The following ARL10 variants were observed in gnomAD, a reference collection of about 807,000 sequenced individuals.
ARL10 encodes the protein ADP-ribosylation factor-like protein 10.
ARL10 carries 23 observed loss-of-function variants against 26.1 expected under a neutral mutation model. The observed-to-expected ratio is 0.88, with a 90% confidence interval of 0.63 to 1.25. ARL10 has a LOEUF of 1.25. ARL10 is among the 50% of genes most tolerant of loss of function. The probability of loss-of-function intolerance (pLI) is 0.00; values close to 1 mark genes in which losing one functional copy is unlikely to be tolerated. For synonymous variants in ARL10, 138 were observed against 149.1 expected (o/e 0.93, Z 0.54); for missense variants, 300 against 323.6 (o/e 0.93, Z 0.56).
At chr5:176,365,859 G>C (rs972089753) in intron 1 of ARL10, 113 bp downstream of exon 1, 4 of 1,140,570 alleles carry the variant, frequency 3.5e-6, no homozygotes, top group Non-Finnish European at 4.4e-6. Context: ...GAGCTTGGGG[G>C]GTCGAGGGCT....
chr5:176,384,091 C>CGT (rs56989856), downstream of ARL10: 7 of 1,602,200 alleles, frequency 4.4e-6, no homozygotes, highest in Admixed American at 1.7e-5. Context: ...GGAGTGTGCA[C>CGT]GTGTGTGTGT....
At chr5:176,365,794 G>C in intron 1 of ARL10, 48 bp downstream of exon 1, 1 of 1,231,306 alleles carries the variant, frequency 8.1e-7, no homozygotes, top group Non-Finnish European at 1.0e-6. Flanking sequence ...GCTGGGCTGC[G>C]ACTCCGCGCA....
chr5:176,367,337 G>GT (rs1349115871), intron 2 of ARL10, among the ~76,000 whole-genome samples: 1 of 151,344 alleles, frequency 6.6e-6, no homozygotes, highest in Admixed American at 6.6e-5. Flanking sequence ...TGGAGACAGG[G>GT]TCTCTGTCGC....
downstream of ARL10, among the ~76,000 whole-genome samples, chr5:176,403,732 G>A (rs185138790): frequency 1.6e-3 from 231 of 147,226 alleles, no homozygotes; most frequent in African/African-American, 5.4e-3. Context: ...GATTACAGGC[G>A]TGAGCCACGG....
At chr5:176,371,414 G>A (rs1348585514) in intron 3 of ARL10, among the ~76,000 whole-genome samples, 3 of 152,150 alleles carry the variant, frequency 2.0e-5, no homozygotes, top group African/African-American at 4.8e-5. Context: ...ATGAAAAGAG[G>A]TTGGTACAAA....
chr5:176,410,390 C>T, the ARL10 span: 3 of 1,054,906 alleles, frequency 2.8e-6, no homozygotes, highest in East Asian at 2.5e-5. Context: ...TCAACCCAAA[C>T]TCTGTGTATA....
At chr5:176,389,294 G>C (rs1199432059), downstream of ARL10, 3 of 1,592,228 alleles carry the variant, frequency 1.9e-6, no homozygotes, top group Middle Eastern at 2.0e-4. Flanking sequence ...TGCGGGGCCC[G>C]ACCTGCTGTT....
the ARL10 span, among the ~76,000 whole-genome samples, chr5:176,413,203 G>A: frequency 6.6e-6 from 1 of 152,114 alleles, no homozygotes; most frequent in South Asian, 2.1e-4. Context: ...AGCAGAACAG[G>A]ACTGAGACAG....
downstream of ARL10, chr5:176,389,650 GTT>G: frequency 1.3e-6 from 1 of 766,668 alleles, no homozygotes; most frequent in East Asian, 2.9e-5. Flanking sequence ...GTAACCGAAA[GTT>G]TTTTCAAAAA....
rs1331133913 is a variant in ARL10 at position 176,373,673 on chromosome 5, G to C, written c.*1778G>C. ...CTTGGGCGCCATTTGAAGAATCACT[G>C]TTCTTGAAAGTGCTGGTTCACTTTC... is the stretch of plus-strand genomic sequence containing the variant. On this transcript the variant is annotated 3_prime_UTR_variant, in exon 4 of 4. Coordinates refer to ENST00000310389, the MANE Select transcript of ARL10 (RefSeq NM_173664.6). 3 of 152,202 alleles carry C rather than the reference G, an allele frequency of 2.0e-5. No individual in the cohort carries two copies. The South Asian group carries it at 6.2e-4, about 32-fold the overall frequency. The allele number at this position is 152,202 out of a possible 1,614,324, so 9.4% of individuals were successfully genotyped here.
chr5:176,402,671 T>TGAATGAATTCATAGATGTTCA (rs1247578869), downstream of ARL10, among the ~76,000 whole-genome samples: 9 of 152,242 alleles, frequency 5.9e-5, no homozygotes, highest in African/African-American at 1.9e-4. Flanking sequence ...TCAAGAATAC[T>TGAATGAATTCATAGATGTTCA]GAATGAATTC....
At chr5:176,385,129 C>A (rs112572961), downstream of ARL10, 2 of 791,188 alleles carry the variant, frequency 2.5e-6, no homozygotes, top group African/African-American at 3.4e-5. Context: ...TCTTTGCACT[C>A]GGTTTCAGGA....
downstream of ARL10, chr5:176,388,947 C>G: frequency 1.2e-6 from 2 of 1,614,160 alleles, no homozygotes. Flanking sequence ...GTTCGCAAGA[C>G]CCGCGAGAAC....
downstream of ARL10, among the ~76,000 whole-genome samples, chr5:176,403,574 C>T (rs1438622931): frequency 6.6e-6 from 1 of 151,980 alleles, no homozygotes; most frequent in Non-Finnish European, 1.5e-5. Flanking sequence ...CCTCCTCAGC[C>T]TCCCCAGTTG....
chr5:176,407,177 G>C, the ARL10 span, among the ~76,000 whole-genome samples: 1 of 152,168 alleles, frequency 6.6e-6, no homozygotes, highest in Non-Finnish European at 1.5e-5. Context: ...AGAAGGCGGG[G>C]GGCCAAGTCA....
At chr5:176,403,427 G>T (rs1756935994), downstream of ARL10, among the ~76,000 whole-genome samples, 1 of 150,552 alleles carries the variant, frequency 6.6e-6, no homozygotes, top group South Asian at 2.1e-4. Flanking sequence ...TACATGGTTG[G>T]TTTTTTGTTT....
In ARL10 at chr5:176,365,626, C is replaced by A. The variant is rs1291443647; in HGVS notation, c.63C>A (p.Gly21=). ...TGGGCGGCGCCGCGGCGGTGCTGGG[C>A]TCGGTGCTCTTCATCCTCTGGAAGA... The part of the protein sequence containing the change: ...LALGGAAAVL[G]SVLFILWKTY... Residue 21 remains glycine (G), a synonymous_variant, in exon 1 of 4, where the codon GGC becomes GGA. Coordinates refer to ENST00000310389, the MANE Select transcript of ARL10 (RefSeq NM_173664.6). 1.6e-6 allele frequency: 2 copies of A among 1,261,398 alleles called. No individual in the cohort carries two copies. The highest frequency in any genetic ancestry group is 3.3e-5 in the South Asian group (1 of 30,042). 78.1% of individuals were successfully genotyped at this position (1,261,398 alleles called of 1,614,324 possible).
intron 1 of ARL10, chr5:176,396,433 A>G (rs1756522675): frequency 6.6e-7 from 1 of 1,522,080 alleles, no homozygotes; most frequent in African/African-American, 1.4e-5. Context: ...TGTGGTGGCC[A>G]TTCCCTCTCT....
At chr5:176,395,136 C>A (rs1257943145) in intron 1 of ARL10, among the ~76,000 whole-genome samples, 3 of 152,034 alleles carry the variant, frequency 2.0e-5, no homozygotes, top group African/African-American at 7.3e-5. Flanking sequence ...AGAGCTTCAG[C>A]CACTGCAGCC....
Sources: allele counts gnomAD v4.1 joint callset (sites outside exome capture counted in the v4.1 genomes callset), GRCh38; gene constraint gnomAD v4.1.1; transcripts MANE v1.5; gene names NCBI Gene and HGNC (gene_info 2026-07-23, HGNC 2026-07-21).